The following NTRK2 variants were observed in gnomAD, a reference collection of about 807,000 sequenced individuals.
The protein encoded by NTRK2 is neurotrophic receptor tyrosine kinase 2.
Under a neutral mutation model 94.5 loss-of-function variants are expected in NTRK2, and 13 were observed. The observed-to-expected ratio is 0.14, with a 90% CI of 0.09 to 0.22. NTRK2 has a LOEUF of 0.22. Ranked by LOEUF, NTRK2 falls within the 10% of genes least tolerant of loss-of-function variation. The pLI is 1.00. For synonymous variants in NTRK2, 372 were observed against 407.4 expected (o/e 0.91, Z 1.05); for missense variants, 639 against 1,071.2 (o/e 0.60, Z 5.63).
chr9:84,910,075 A>G (rs1340250597), intron 14 of NTRK2, among the ~76,000 whole-genome samples: 1 of 152,140 alleles, frequency 6.6e-6, no homozygotes, highest in Non-Finnish European at 1.5e-5. Flanking sequence ...TATGTTTTAC[A>G]TTTAAGGCCA....
At chr9:84,909,926 G>T (rs999148872) in intron 14 of NTRK2, among the ~76,000 whole-genome samples, 1 of 152,072 alleles carries the variant, frequency 6.6e-6, no homozygotes, top group African/African-American at 2.4e-5. Flanking sequence ...CAAAGGTTTT[G>T]ATTTTGAGAA....
chr9:84,913,122 C>G (rs965064850), intron 14 of NTRK2, among the ~76,000 whole-genome samples: 2 of 151,930 alleles, frequency 1.3e-5, no homozygotes, highest in African/African-American at 4.8e-5. Flanking sequence ...GTTTTTGTTT[C>G]TCTTTTGTCT....
chr9:85,023,566 C>T lies in NTRK2; in HGVS notation c.*2129C>T, dbSNP rs202170979. Reference sequence around the variant, plus strand: ...GGCCTATGAGAGATGAGAGTTGGGTCGTTTGTTCTCTTTGTTGATGATTTT... The same window carrying T: ...GGCCTATGAGAGATGAGAGTTGGGTTGTTTGTTCTCTTTGTTGATGATTTT... On this transcript the variant is annotated 3_prime_UTR_variant, in exon 19 of 19. Transcript: ENST00000277120. 2.6e-5 allele frequency: 6 copies of T among 231,786 alleles called. No individual in the cohort carries two copies. The highest frequency in any genetic ancestry group is 3.4e-5 in the Non-Finnish European group (4 of 117,602). The allele number at this position is 231,786 out of a possible 1,614,324, so 14.4% of individuals were successfully genotyped here. A position where few individuals can be genotyped will look rare whatever the true frequency, so the allele number is the denominator to read the frequency against.
intron 4 of NTRK2, among the ~76,000 whole-genome samples, 153 bp downstream of exon 4, chr9:84,702,572 T>C (rs952972818): frequency 6.6e-6 from 1 of 152,230 alleles, no homozygotes; most frequent in African/African-American, 2.4e-5. Flanking sequence ...CTGATTTTGT[T>C]TGATTTTTTG....
chr9:84,949,691 C>T (rs145397536), intron 16 of NTRK2, among the ~76,000 whole-genome samples: 1 of 152,254 alleles, frequency 6.6e-6, no homozygotes, highest in African/African-American at 2.4e-5. Flanking sequence ...GTCTCGAACT[C>T]CTGACCTCGA....
At chr9:84,798,004 C>G (rs1174803752) in intron 12 of NTRK2, among the ~76,000 whole-genome samples, 3 of 148,900 alleles carry the variant, frequency 2.0e-5, no homozygotes, top group Non-Finnish European at 4.4e-5. Context: ...TTGGGACTGT[C>G]TTAGTCTTGC....
chr9:84,847,845 T>C (rs1157249521), intron 12 of NTRK2, among the ~76,000 whole-genome samples: 1 of 152,122 alleles, frequency 6.6e-6, no homozygotes, highest in Non-Finnish European at 1.5e-5. Context: ...TGGTTGGCAG[T>C]GAAAACAATA....
chr9:84,815,028 G>A, intron 12 of NTRK2: 1 of 1,059,318 alleles, frequency 9.4e-7, no homozygotes, highest in Non-Finnish European at 1.1e-6. Flanking sequence ...TTGCTGCCAG[G>A]TGCTGCCAGA....
intron 2 of NTRK2, among the ~76,000 whole-genome samples, chr9:84,684,347 A>T (rs2059582758): frequency 6.6e-6 from 1 of 152,174 alleles, no homozygotes; most frequent in Non-Finnish European, 1.5e-5. Flanking sequence ...TAGGCCTTTA[A>T]TCCATCTAGA....
In NTRK2 at chr9:84,760,481, G is replaced by GA. The variant is rs1436972597; in HGVS notation, c.1396+8403dup. Among the ~76,000 whole-genome samples, 4 of 152,228 alleles carry GA rather than the reference G, an allele frequency of 2.6e-5. No individual in the cohort carries two copies. In the East Asian group the frequency reaches 5.8e-4, roughly 22 times the overall value. On this transcript the variant is annotated intron_variant, in intron 12 of 18. Coordinates refer to ENST00000277120, the MANE Select transcript of NTRK2 (RefSeq NM_006180.6). ...TCCAGGTTTATTAGTTGAGTCTATA[G>GA]AAAAAAATTGTAATTACAATGTGTA...
In NTRK2 at chr9:85,009,220, T is replaced by C. The variant is rs562204687; in HGVS notation, c.2173-10986T>C. ...TTACTTTTCATAATGCATTAGGAAG[T>C]CTAATGCAATCATTGTATCCAATGT... On this transcript the variant is annotated intron_variant, in intron 17 of 18. Coordinates refer to ENST00000277120, the MANE Select transcript of NTRK2 (RefSeq NM_006180.6). Among the ~76,000 whole-genome samples the C allele has an allele frequency of 7.8e-4, 119 of 152,302 alleles. 1 individual carries two copies. Among genetic ancestry groups the C allele is most frequent in the Admixed American group, 2.8e-3 (43 of 15,300 alleles).
chr9:84,882,618 A>G (rs940237983), intron 14 of NTRK2, among the ~76,000 whole-genome samples: 1 of 152,124 alleles, frequency 6.6e-6, no homozygotes, highest in African/African-American at 2.4e-5. Context: ...TCCGGTAGCA[A>G]GCCACTTGGC....
chr9:84,790,377 A>C (rs2068608934), intron 12 of NTRK2, among the ~76,000 whole-genome samples: 1 of 152,218 alleles, frequency 6.6e-6, no homozygotes, highest in African/African-American at 2.4e-5. Flanking sequence ...GAAAAAAAGC[A>C]GAGCCTTCTT....
At chr9:84,951,486 G>T (rs2078780449) in intron 16 of NTRK2, among the ~76,000 whole-genome samples, 1 of 152,284 alleles carries the variant, frequency 6.6e-6, no homozygotes, top group East Asian at 1.9e-4. Flanking sequence ...ATACAAATGT[G>T]CTCACCTGGA....
At chr9:84,689,813 A>G (rs1217798870) in intron 2 of NTRK2, among the ~76,000 whole-genome samples, 2 of 152,136 alleles carry the variant, frequency 1.3e-5, no homozygotes, top group Non-Finnish European at 2.9e-5. Context: ...GTGCCTGGCA[A>G]CCACCATTCT....
chr9:84,875,431 G>T, intron 14 of NTRK2: 1 of 1,062,322 alleles, frequency 9.4e-7, no homozygotes, highest in Non-Finnish European at 1.1e-6. Flanking sequence ...CTCTTGTTCT[G>T]ACAAGGCAGG....
At chr9:84,750,886 A>G (rs2064536038) in intron 11 of NTRK2, among the ~76,000 whole-genome samples, 2 of 152,222 alleles carry the variant, frequency 1.3e-5, no homozygotes. Flanking sequence ...GTCAGCAGCA[A>G]TGGTAGCAGA....
At chr9:84,723,425 A>T in intron 6 of NTRK2, 148 bp from the exon 7 acceptor site, 1 of 869,568 alleles carries the variant, frequency 1.2e-6, no homozygotes, top group South Asian at 1.5e-5. Context: ...TGATCAAAGT[A>T]GCACTTTTTC....
At chr9:84,928,556 C>G (rs550273241) in intron 14 of NTRK2, among the ~76,000 whole-genome samples, 1 of 152,230 alleles carries the variant, frequency 6.6e-6, no homozygotes, top group South Asian at 2.1e-4. Flanking sequence ...TCAGTGTCCT[C>G]TATTTCAGAG....
Sources: gnomAD v4.1 joint callset for allele counts (sites outside exome capture counted in the v4.1 genomes callset) on GRCh38, gnomAD v4.1.1 for gene constraint, MANE v1.5 for transcripts, NCBI Gene and HGNC (gene_info 2026-07-23, HGNC 2026-07-21) for gene names.